Variants in PAGE3 observed in about 807,000 individuals in gnomAD.
PAGE3 encodes the protein PAGE family member 3.
In PAGE3, 9 loss-of-function variants were observed where a neutral mutation model predicts 3.8. That is an observed-to-expected ratio of 2.36 (90% CI 1.42 to 4.12). The LOEUF is 4.12. Among genes scored for constraint, PAGE3 ranks in the 30% most tolerant of loss-of-function variants. The probability of loss-of-function intolerance (pLI) is 0.00; values close to 1 mark genes in which losing one functional copy is unlikely to be tolerated. For synonymous variants in PAGE3, 24 were observed against 13.1 expected (o/e 1.83, Z -1.79); for missense variants, 73 against 37.8 (o/e 1.93, Z -2.44).
Position 55,262,711 on chromosome X carries a change from T to TATATATATATATATGTG in PAGE3, c.193+539_193+540insCACATATATATATATAT, listed in dbSNP as rs1355609466. ...TCCAAGGTGTTACATATGATATATA[T>TATATATATATATATGTG]ATATATATATATATATATATATGTA... On this transcript the variant is annotated intron_variant, in intron 3 of 4. Transcript: ENST00000374951. 0.014 allele frequency among the ~76,000 whole-genome samples: 149 copies of TATATATATATATATGTG among 10,631 alleles called. No homozygotes were observed. The Non-Finnish European group carries it at 0.17, about 12-fold the overall frequency. 9.2% of individuals were successfully genotyped at this position (10,631 alleles called of 115,157 possible).
chrX:55,261,968 T>TTA (rs1243872463), intron 3 of PAGE3, among the ~76,000 whole-genome samples: 1 of 111,873 alleles, frequency 8.9e-6, no homozygotes, highest in Non-Finnish European at 1.9e-5. Context: ...TCCAAAGGTC[T>TTA]TATATGTTAC....
chrX:55,262,310 C>T (rs1253719951), intron 3 of PAGE3, among the ~76,000 whole-genome samples: 2 of 111,184 alleles, frequency 1.8e-5, no homozygotes, highest in Admixed American at 1.9e-4. Context: ...TTATACTGAA[C>T]CAGCTACCTA....
intron 1 of PAGE3, 128 bp from the exon 2 acceptor site, chrX:55,264,039 A>T: frequency 2.5e-6 from 1 of 393,516 alleles, no homozygotes; most frequent in Non-Finnish European, 4.4e-6. Context: ...TGTTTTCAAA[A>T]ATTTTTAGGT....
chrX:55,264,125 G>T (rs1176931287), intron 1 of PAGE3, among the ~76,000 whole-genome samples: 1 of 111,527 alleles, frequency 9.0e-6, no homozygotes, highest in Non-Finnish European at 1.9e-5. Flanking sequence ...AAGGCTCATG[G>T]CAAGATAGAG....
At chrX:55,263,430 C>T in intron 2 of PAGE3, 71 bp from the exon 3 acceptor site, 1 of 468,396 alleles carries the variant, frequency 2.1e-6, no homozygotes. Context: ...TATACATATA[C>T]TCAATATACA....
chrX:55,263,292 G>C lies in PAGE3; in HGVS notation c.152C>G (p.Thr51Arg). ...TCCCTCGTCTCTCTCTTGACCAGGT[G>C]TATAATCCTGACTTTCAATTGGTGG... Reference protein sequence around the residue: ...EEPPIESQDYTPGQERDEGAL... With the variant: ...EEPPIESQDYRPGQERDEGAL... Residue 51 changes from threonine (T) to arginine (R), a missense_variant, in exon 3 of 5, where the codon ACA becomes AGA. By Grantham distance (71) the Thr-to-Arg change is moderately conservative (BLOSUM62 -1). Transcript: ENST00000374951. 1.8e-6 allele frequency: 1 copy of C among 570,036 alleles called. No homozygotes were observed. The highest frequency in any genetic ancestry group is 3.2e-6 in the Non-Finnish European group (1 of 309,187). 47.0% of individuals were successfully genotyped at this position (570,036 alleles called of 1,213,427 possible).
intron 1 of PAGE3, 131 bp from the exon 2 acceptor site, chrX:55,264,042 T>G (rs1014222076): frequency 1.5e-5 from 6 of 392,604 alleles, no homozygotes; most frequent in African/African-American, 2.6e-5. Context: ...TTTCAAAAAT[T>G]TTTAGGTATC....
chrX:55,261,248 A>C (rs1397329745), intron 3 of PAGE3, among the ~76,000 whole-genome samples: 1 of 111,621 alleles, frequency 9.0e-6, no homozygotes, highest in East Asian at 2.8e-4. Flanking sequence ...GAATCAGAAA[A>C]AAAACTATAA....
At chrX:55,260,458 T>C in intron 4 of PAGE3, 76 bp downstream of exon 4, 1 of 475,439 alleles carries the variant, frequency 2.1e-6, no homozygotes, top group South Asian at 2.8e-5. Flanking sequence ...GCAGTAGTGG[T>C]ACCTCTATAT....
At chrX:55,263,230 T>A (rs776226159) in intron 3 of PAGE3, 21 bp downstream of exon 3, 2 of 563,189 alleles carry the variant, frequency 3.6e-6, no homozygotes, top group Non-Finnish European at 6.5e-6. Context: ...TCATAGGCAT[T>A]CTTCCTCTCC....
chrX:55,260,879 T>G (rs1234226961), intron 3 of PAGE3, among the ~76,000 whole-genome samples: 2 of 111,437 alleles, frequency 1.8e-5, no homozygotes, highest in African/African-American at 6.5e-5. Context: ...TTCCCACAAC[T>G]GCCCCAGACA....
At chrX:55,261,712 A>C (rs1431408413) in intron 3 of PAGE3, among the ~76,000 whole-genome samples, 5 of 111,220 alleles carry the variant, frequency 4.5e-5, no homozygotes, top group Non-Finnish European at 7.6e-5. Context: ...TGACATTATA[A>C]GGACAAACCA....
chrX:55,259,865 A>T (rs1294143354), intron 4 of PAGE3, among the ~76,000 whole-genome samples: 1 of 111,010 alleles, frequency 9.0e-6, no homozygotes, highest in Non-Finnish European at 1.9e-5. Context: ...AGGTTCCTGA[A>T]CATAGCCTGA....
intron 3 of PAGE3, among the ~76,000 whole-genome samples, chrX:55,262,736 A>AAT (rs1938310954): frequency 1.0e-5 from 1 of 99,285 alleles, no homozygotes; most frequent in Non-Finnish European, 2.0e-5. Flanking sequence ...ATATATATGT[A>AAT]ATATATATAT....
intron 3 of PAGE3, among the ~76,000 whole-genome samples, chrX:55,262,701 ATG>A (rs1358533223): frequency 5.7e-5 from 1 of 17,556 alleles, no homozygotes; most frequent in African/African-American, 1.1e-4. Context: ...GGTGTTACAT[ATG>A]ATATATATAT....
At chrX:55,260,728 T>C (rs759546986) in intron 3 of PAGE3, 69 bp from the exon 4 acceptor site, 22 of 435,973 alleles carry the variant, frequency 5.0e-5, no homozygotes, top group Non-Finnish European at 4.1e-5. Context: ...ATGATAATAT[T>C]CACTCCCTCA....
intron 2 of PAGE3, 122 bp downstream of exon 2, chrX:55,263,698 A>T (rs1419264510): frequency 1.4e-5 from 6 of 433,437 alleles, no homozygotes; most frequent in Non-Finnish European, 2.4e-5. Context: ...TGTTTACTTC[A>T]CGAGATTCAA....
At chrX:55,263,754 T>G in intron 2 of PAGE3, 66 bp downstream of exon 2, 3 of 518,355 alleles carry the variant, frequency 5.8e-6, no homozygotes, top group Non-Finnish European at 1.0e-5. Flanking sequence ...TATATCAATA[T>G]TAGTTCAACA....
chrX:55,260,286 C>T (rs1215230614), intron 4 of PAGE3, among the ~76,000 whole-genome samples: 1 of 111,349 alleles, frequency 9.0e-6, no homozygotes, highest in Non-Finnish European at 1.9e-5. Flanking sequence ...GGTTTAGGAA[C>T]TGATACTAAA....
Sources: gnomAD v4.1 joint callset for allele counts (sites outside exome capture counted in the v4.1 genomes callset) on GRCh38, gnomAD v4.1.1 for gene constraint, MANE v1.5 for transcripts, NCBI Gene and HGNC (gene_info 2026-07-23, HGNC 2026-07-21) for gene names.